PIK3R5: variants seen among roughly 807,000 people sequenced by gnomAD.
PIK3R5 encodes phosphoinositide-3-kinase regulatory subunit 5.
PIK3R5 carries 32 observed loss-of-function variants against 94.9 expected under a neutral mutation model. That is an observed-to-expected ratio of 0.34 (90% CI 0.25 to 0.45). The LOEUF is 0.45. Ranked by LOEUF, PIK3R5 falls within the 20% of genes least tolerant of loss-of-function variation. The probability of loss-of-function intolerance (pLI) is 1.00; values close to 1 mark genes in which losing one functional copy is unlikely to be tolerated. For missense variants in PIK3R5, 853 were observed against 1,144.6 expected, an observed-to-expected ratio of 0.75 and a Z score of 3.68; for synonymous variants, 443 against 479.4, an observed-to-expected ratio of 0.92 and a Z score of 0.99.
chr17:8,894,645 T>C (rs1170266322), intron 5 of PIK3R5, among the ~76,000 whole-genome samples: 1 of 152,208 alleles, frequency 6.6e-6, no homozygotes, highest in East Asian at 1.9e-4. Flanking sequence ...TGCACAGTAG[T>C]CGCTTTACAG....
At chr17:8,964,805 C>T (rs2091635653) in intron 1 of PIK3R5, among the ~76,000 whole-genome samples, 2 of 152,194 alleles carry the variant, frequency 1.3e-5, no homozygotes, top group South Asian at 4.1e-4. Context: ...CAGGCTTGGC[C>T]TACTTTTAGC....
chr17:8,938,589 G>A (rs2091118332), intron 1 of PIK3R5, among the ~76,000 whole-genome samples: 2 of 152,006 alleles, frequency 1.3e-5, no homozygotes, highest in South Asian at 4.1e-4. Context: ...TGTCTTTATG[G>A]GTTTGCTTAT....
At chr17:8,958,311 C>T (rs529724373) in intron 1 of PIK3R5, among the ~76,000 whole-genome samples, 13 of 150,804 alleles carry the variant, frequency 8.6e-5, no homozygotes, top group Admixed American at 2.6e-4. Context: ...TAAAGAAAAT[C>T]ACAGCAAATC....
chr17:8,936,042 A>G (rs1208131983), intron 1 of PIK3R5, among the ~76,000 whole-genome samples: 2 of 148,784 alleles, frequency 1.3e-5, no homozygotes, highest in Admixed American at 6.7e-5. Flanking sequence ...TGACAGACCG[A>G]GACTCCATCT....
At chr17:8,915,456 G>A (rs144652211) in intron 1 of PIK3R5, among the ~76,000 whole-genome samples, 1 of 151,346 alleles carries the variant, frequency 6.6e-6, no homozygotes, top group East Asian at 1.9e-4. Context: ...AGTTGCTGGG[G>A]ATTGTGAGCC....
rs1314388547 is a variant in PIK3R5 at position 8,896,579 on chromosome 17, T to C, written c.413-2924A>G. The stretch of plus-strand genomic sequence containing the variant: ...ACACTCATAGTGAAGTTCAAACTCC[T>C]GGCCCAGGTGTCCAAGGCCCTTCGC... On this transcript the variant is annotated intron_variant, in intron 5 of 18. Coordinates refer to ENST00000447110, the MANE Select transcript of PIK3R5 (RefSeq NM_001142633.3). The surrounding 1 kb of genome is among the most constrained non-coding windows in gnomAD (Gnocchi z 4.0). 6.6e-6 allele frequency among the ~76,000 whole-genome samples: 1 copy of C among 152,206 alleles called. No individual in the cohort carries two copies. Among genetic ancestry groups the C allele is most frequent in the Non-Finnish European group, 1.5e-5 (1 of 68,032 alleles).
intron 1 of PIK3R5, among the ~76,000 whole-genome samples, chr17:8,964,297 C>T (rs57013767): frequency 0.013 from 2,036 of 152,034 alleles, 43 homozygotes; most frequent in African/African-American, 0.047. Context: ...GAGGCGGAGG[C>T]GGAGGATTGC....
At position 8,886,508 on chromosome 17, in the gene PIK3R5, C is replaced by G. The variant is rs774388219; in HGVS notation, c.2003G>C (p.Arg668Thr). 2 of 1,610,876 alleles carry G rather than the reference C, an allele frequency of 1.2e-6. No individual in the cohort carries two copies. Among genetic ancestry groups the G allele is most frequent in the Non-Finnish European group, 1.7e-6 (2 of 1,178,366 alleles). ...CTGATAGACTTGCAGCAGCACCGGT[C>G]TGGCGGCAAAGCGGCAGTAGTAGAG... ...MLLYYCRFAA[R>T]PVLLQVYQTE... Residue 668 changes from arginine (R) to threonine (T), a missense_variant, in exon 13 of 19, where the codon AGA becomes ACA. Arg to Thr is a moderately conservative substitution (Grantham distance 71, BLOSUM62 -1). This residue lies in a region of PIK3R5 where 173 missense variants were observed against 274.1 expected (regional missense o/e 0.63). Transcript: ENST00000447110.
Position 8,880,080 on chromosome 17 carries a change from G to A in PIK3R5, c.*559C>T, listed in dbSNP as rs1318524554. On this transcript the variant is annotated 3_prime_UTR_variant, in exon 19 of 19. Coordinates refer to ENST00000447110, the MANE Select transcript of PIK3R5 (RefSeq NM_001142633.3). ...AGGAAACTTGAGAGAAATTATTGAG[G>A]TGTGTGCGTGTGTGTGTGCGCATGT... The A allele has an allele frequency of 6.6e-6, 1 of 152,246 alleles. No homozygotes were observed. Among genetic ancestry groups the A allele is most frequent in the Non-Finnish European group, 1.5e-5 (1 of 68,046 alleles). 9.4% of individuals were successfully genotyped at this position (152,246 alleles called of 1,614,324 possible).
Position 8,887,180 on chromosome 17 carries a change from G to T in PIK3R5, c.1821C>A (p.Ile607=). 6.2e-7 allele frequency: 1 copy of T among 1,613,944 alleles called. No homozygotes were observed. Among genetic ancestry groups the T allele is most frequent in the Non-Finnish European group, 8.5e-7 (1 of 1,179,978 alleles). Residue 607 remains isoleucine (I), a synonymous_variant, in exon 12 of 19, where the codon ATC becomes ATA. Coordinates refer to ENST00000447110, the MANE Select transcript of PIK3R5 (RefSeq NM_001142633.3). The stretch of plus-strand genomic sequence containing the variant: ...GGTCCAGCATGCCGAGGTAGTGGGA[G>T]ATGTCATTGGTGCTCTCCTCCCATG... The part of the protein sequence containing the change: ...TTPWEESTND[I]SHYLGMLDPW...
Position 8,896,906 on chromosome 17 carries a change from T to A in PIK3R5, c.413-3251A>T, listed in dbSNP as rs1294699448. Among the ~76,000 whole-genome samples the A allele has an allele frequency of 6.6e-6, 1 of 152,182 alleles. No individual in the cohort carries two copies. Among genetic ancestry groups the A allele is most frequent in the Admixed American group, 6.5e-5 (1 of 15,272 alleles). On this transcript the variant is annotated intron_variant, in intron 5 of 18. Coordinates refer to ENST00000447110, the MANE Select transcript of PIK3R5 (RefSeq NM_001142633.3). This position sits in a 1 kb window ranked among gnomAD's most constrained non-coding sequence, Gnocchi z 4.0. ...GAAGCAGAGCCCGGCCCCAACGGCA[T>A]TGCAATCTCCAAATGAGACTAGATC...
chr17:8,923,273 G>T (rs2090791035), intron 1 of PIK3R5, among the ~76,000 whole-genome samples: 1 of 152,080 alleles, frequency 6.6e-6, no homozygotes, highest in Admixed American at 6.5e-5. Context: ...CTCTACCCAG[G>T]TACAGTACCG....
Position 8,905,905 on chromosome 17 carries a change from A to C in PIK3R5, c.205-168T>G, listed in dbSNP as rs773892731. 2.6e-5 allele frequency among the ~76,000 whole-genome samples: 4 copies of C among 151,080 alleles called. 1 individual carries two copies. The South Asian group carries it at 8.4e-4, about 32-fold the overall frequency. ...TTGGAAAATGGATGTAAACGAAAACACTTACAATTTCCCCTCCCAAACCCA... is the reference window on the plus strand; with the variant it reads ...TTGGAAAATGGATGTAAACGAAAACCCTTACAATTTCCCCTCCCAAACCCA... On this transcript the variant is annotated intron_variant, in intron 3 of 18. Transcript: ENST00000447110.
At position 8,888,538 on chromosome 17, in the gene PIK3R5, G is replaced by A. The variant is rs1424257044; in HGVS notation, c.1249C>T (p.Pro417Ser). Reference protein sequence around the residue: ...GSQERRGHRRPGQKFIRIYKL... With the variant: ...GSQERRGHRRSGQKFIRIYKL... ...TAGATCCTGATGAACTTCTGCCCAGGCCTGCGGTGGCCTCGGCGTTCCTGG... is the reference window on the plus strand; with the variant it reads ...TAGATCCTGATGAACTTCTGCCCAGACCTGCGGTGGCCTCGGCGTTCCTGG... Residue 417 changes from proline (P) to serine (S), a missense_variant, in exon 10 of 19, where the codon CCT becomes TCT. Around this residue, in one of 6 missense-constraint regions of PIK3R5, gnomAD observed 319 missense variants for 339.8 expected, o/e 0.94. Coordinates refer to ENST00000447110, the MANE Select transcript of PIK3R5 (RefSeq NM_001142633.3). This position sits in a 1 kb window ranked among gnomAD's most constrained non-coding sequence, Gnocchi z 7.8. 6.2e-7 allele frequency: 1 copy of A among 1,611,642 alleles called. No homozygotes were observed. The highest frequency in any genetic ancestry group is 1.7e-5 in the Admixed American group (1 of 59,856).
In PIK3R5 at chr17:8,942,766, C is replaced by T. The variant is rs952819235; in HGVS notation, c.-14+22830G>A. ...GACTACAGGCGTCCGCCACCACGCC[C>T]GGCTAATTTTTTGTATTTTTTAGTA... is the stretch of plus-strand genomic sequence containing the variant. On this transcript the variant is annotated intron_variant, in intron 1 of 18. Coordinates refer to ENST00000447110, the MANE Select transcript of PIK3R5 (RefSeq NM_001142633.3). Among the ~76,000 whole-genome samples the T allele has an allele frequency of 3.9e-5, 6 of 151,906 alleles. No individual in the cohort carries two copies. The South Asian group carries it at 1.0e-3, about 26-fold the overall frequency.
At chr17:8,885,504 C>G (rs2089806847) in intron 14 of PIK3R5, among the ~76,000 whole-genome samples, 1 of 146,112 alleles carries the variant, frequency 6.8e-6, no homozygotes, top group Non-Finnish European at 1.5e-5. Context: ...AGGGCCCCGC[C>G]TCCTGGGTAA....
intron 1 of PIK3R5, among the ~76,000 whole-genome samples, chr17:8,940,693 T>C (rs1022461159): frequency 1.3e-5 from 2 of 152,150 alleles, no homozygotes; most frequent in Non-Finnish European, 2.9e-5. Flanking sequence ...TCCGAGTAGC[T>C]GGGATTACAG....
At chr17:8,902,242 T>C (rs532048718) in intron 5 of PIK3R5, among the ~76,000 whole-genome samples, 2 of 146,034 alleles carry the variant, frequency 1.4e-5, no homozygotes, top group South Asian at 2.1e-4. Flanking sequence ...ATGGGTTTGA[T>C]ATATTAATTT....
chr17:8,911,794 G>T lies in PIK3R5; in HGVS notation c.-13-287C>A. ...GAGCAGAGAGGTGGAAAGGGCACTG[G>T]GCAGTGGGAAGTGTCGCCAAGTACC... On this transcript the variant is annotated intron_variant, in intron 1 of 18. Transcript: ENST00000447110. This position sits in a 1 kb window ranked among gnomAD's most constrained non-coding sequence, Gnocchi z 5.3. 6.7e-6 allele frequency: 1 copy of T among 149,862 alleles called. No homozygotes were observed. The allele number at this position is 149,862 out of a possible 1,614,324, so 9.3% of individuals were successfully genotyped here.
Sources: allele counts gnomAD v4.1 joint callset (sites outside exome capture counted in the v4.1 genomes callset), GRCh38; gene constraint gnomAD v4.1.1; regional missense constraint gnomAD v4.1.1; non-coding constraint Gnocchi (gnomAD v3.1); transcripts MANE v1.5; gene names NCBI Gene and HGNC (gene_info 2026-07-23, HGNC 2026-07-21).